CACHD1: variants seen among roughly 807,000 people sequenced by gnomAD.
The protein encoded by CACHD1 is cache domain containing 1, also known as VWFA and cache domain-containing protein 1.
CACHD1 carries 71 observed loss-of-function variants against 138.7 expected under a neutral mutation model. That is an observed-to-expected ratio of 0.51 (90% confidence interval 0.42 to 0.62). The LOEUF (loss-of-function observed/expected upper bound fraction) is 0.62, where lower values mean the gene tolerates loss of function less well. Among genes scored for constraint, CACHD1 ranks in the 20% least tolerant of loss-of-function variants. CACHD1 has a pLI of 0.00. For synonymous variants in CACHD1, 578 were observed against 591.5 expected (o/e 0.98, Z 0.33); for missense variants, 1,389 against 1,625.3 (o/e 0.85, Z 2.50).
chr1:64,656,344 T>C (rs1032591743), intron 12 of CACHD1, among the ~76,000 whole-genome samples: 5 of 152,238 alleles, frequency 3.3e-5, no homozygotes, highest in Admixed American at 3.3e-4. Flanking sequence ...TTTAGAATGA[T>C]AGCACCATCT....
intron 26 of CACHD1, among the ~76,000 whole-genome samples, chr1:64,685,288 G>A (rs531615233): frequency 6.6e-6 from 1 of 152,278 alleles, no homozygotes; most frequent in South Asian, 2.1e-4. Context: ...AATAGGCTAT[G>A]CCATATAGCC....
intron 1 of CACHD1, among the ~76,000 whole-genome samples, chr1:64,471,582 G>C (rs553549993): frequency 5.3e-5 from 8 of 152,326 alleles, no homozygotes; most frequent in Admixed American, 5.2e-4. Flanking sequence ...GGCTGGCCTG[G>C]TAGATTCTGG....
chr1:64,561,850 AC>A (rs1307302744), intron 2 of CACHD1, among the ~76,000 whole-genome samples: 1 of 106,562 alleles, frequency 9.4e-6, no homozygotes, highest in Non-Finnish European at 2.1e-5. Flanking sequence ...AGAGCAAGAC[AC>A]TGTCTCCAAA....
intron 2 of CACHD1, among the ~76,000 whole-genome samples, chr1:64,561,035 C>G (rs909361117): frequency 1.3e-5 from 2 of 152,112 alleles, no homozygotes; most frequent in East Asian, 1.9e-4. Flanking sequence ...TTTTCAGAAG[C>G]ATTTACTTTC....
intron 4 of CACHD1, among the ~76,000 whole-genome samples, chr1:64,622,054 C>T (rs1647931488): frequency 6.6e-6 from 1 of 152,080 alleles, no homozygotes; most frequent in South Asian, 2.1e-4. Context: ...TTGATAAGTA[C>T]CAATCCGAAT....
chr1:64,596,878 A>G (rs1026390492), intron 3 of CACHD1, among the ~76,000 whole-genome samples: 1 of 152,164 alleles, frequency 6.6e-6, no homozygotes, highest in Non-Finnish European at 1.5e-5. Context: ...TTAAAAATTC[A>G]TCCATGAACA....
intron 1 of CACHD1, among the ~76,000 whole-genome samples, chr1:64,532,815 C>T (rs571246942): frequency 8.5e-5 from 13 of 152,130 alleles, no homozygotes; most frequent in African/African-American, 2.7e-4. Context: ...TCTGACTCAT[C>T]ATCTATAAAA....
Position 64,675,498 on chromosome 1 carries a change from C to A in CACHD1, c.2825C>A (p.Thr942Asn). The A allele has an allele frequency of 6.2e-7, 1 of 1,613,538 alleles. No individual in the cohort carries two copies. Among genetic ancestry groups the A allele is most frequent in the Non-Finnish European group, 8.5e-7 (1 of 1,179,498 alleles). The change falls in exon 20 of 27, where the codon ACC becomes AAC. Residue 942 changes from threonine (T) to asparagine (N), a missense_variant. Physicochemically the swap from Thr to Asn is moderately conservative, Grantham distance 65. This residue lies in a region of CACHD1 where 50 missense variants were observed against 108.2 expected (regional missense o/e 0.46). Transcript: ENST00000651257. ...TNAFVGIVNETCDSLAFCACS... is the reference protein window; with the variant it reads ...TNAFVGIVNENCDSLAFCACS... The stretch of plus-strand genomic sequence containing the variant: ...GCGTTTGTTGGCATTGTCAACGAAA[C>A]CTGCGACTCTCTTGCCTTCTGTGCC...
intron 9 of CACHD1, among the ~76,000 whole-genome samples, chr1:64,650,601 T>C (rs1451785127): frequency 6.6e-6 from 1 of 152,216 alleles, no homozygotes; most frequent in Non-Finnish European, 1.5e-5. Flanking sequence ...TATCCACTTC[T>C]TCCTATCAAG....
chr1:64,548,378 T>C (rs1646733548), intron 1 of CACHD1, among the ~76,000 whole-genome samples: 1 of 152,194 alleles, frequency 6.6e-6, no homozygotes, highest in African/African-American at 2.4e-5. Flanking sequence ...CTATATGAAT[T>C]ATGTTACTTT....
chr1:64,483,681 C>CAAA (rs10537125), intron 1 of CACHD1, among the ~76,000 whole-genome samples: 13 of 58,184 alleles, frequency 2.2e-4, no homozygotes, highest in African/African-American at 4.8e-4. Flanking sequence ...CTGTCTCTAC[C>CAAA]AAAAAAAAAA....
chr1:64,647,946 C>T lies in CACHD1; in HGVS notation c.1302C>T (p.Thr434=). 1.9e-6 allele frequency: 3 copies of T among 1,614,028 alleles called. No homozygotes were observed. Among genetic ancestry groups the T allele is most frequent in the Non-Finnish European group, 2.5e-6 (3 of 1,179,994 alleles). The change falls in exon 9 of 27, where the codon ACC becomes ACT. Residue 434 remains threonine, a synonymous_variant. Coordinates refer to ENST00000651257, the MANE Select transcript of CACHD1 (RefSeq NM_020925.4). Reference sequence around the variant, plus strand: ...TGAATCAGTTGAGCAACCTGGAGACCACAGTGGGCAGGTTCTACACAAACC... The same window carrying T: ...TGAATCAGTTGAGCAACCTGGAGACTACAGTGGGCAGGTTCTACACAAACC... ...MVLNQLSNLE[T]TVGRFYTNLP...
intron 2 of CACHD1, among the ~76,000 whole-genome samples, chr1:64,575,139 C>G (rs962358011): frequency 2.0e-5 from 3 of 152,180 alleles, no homozygotes; most frequent in African/African-American, 7.2e-5. Flanking sequence ...TTTGTCCTAG[C>G]CTTTGTATAT....
chr1:64,681,229 C>A, intron 24 of CACHD1, 29 bp from the exon 25 acceptor site: 1 of 1,565,332 alleles, frequency 6.4e-7, no homozygotes, highest in Non-Finnish European at 8.8e-7. Context: ...ATTAAATAGT[C>A]ATGTTTCTCT....
intron 1 of CACHD1, among the ~76,000 whole-genome samples, chr1:64,534,068 G>C (rs1248356950): frequency 2.2e-5 from 3 of 138,972 alleles, no homozygotes; most frequent in Admixed American, 7.5e-5. Context: ...TTTTGAGACA[G>C]AGTCTCACTC....
Position 64,679,702 on chromosome 1 carries a change from C to T in CACHD1, c.3352C>T (p.Arg1118Cys), listed in dbSNP as rs369700188. Residue 1118 changes from arginine (R) to cysteine (C), a missense_variant, in exon 24 of 27, where the codon CGC becomes TGC. Physicochemically the swap from Arg to Cys is radical, Grantham distance 180. Coordinates refer to ENST00000651257, the MANE Select transcript of CACHD1 (RefSeq NM_020925.4). ...CTTGGTCCTGGCGGTGTATGCCTAC[C>T]GCCACCAGATTCATCGCCGGAGCCA... ...MVLVLAVYAY[R>C]HQIHRRSHQH... 2.8e-5 allele frequency: 45 copies of T among 1,614,020 alleles called. No homozygotes were observed. The highest frequency in any genetic ancestry group is 8.3e-5 in the Admixed American group (5 of 60,008).
At chr1:64,502,619 T>G (rs1450253117) in intron 1 of CACHD1, among the ~76,000 whole-genome samples, 1 of 126,014 alleles carries the variant, frequency 7.9e-6, no homozygotes. Flanking sequence ...TCTTTTTAGA[T>G]TATAATTTTT....
At chr1:64,550,518 CAA>C (rs1646750656) in intron 1 of CACHD1, 74 bp from the exon 2 acceptor site, 3 of 1,042,580 alleles carry the variant, frequency 2.9e-6, no homozygotes, top group Non-Finnish European at 4.4e-6. Context: ...TTGTTGTAAA[CAA>C]ATTATTCACA....
chr1:64,606,106 A>AACACACACACACACACACACAC (rs112089755), intron 4 of CACHD1, among the ~76,000 whole-genome samples: 7,259 of 148,818 alleles, frequency 0.049, 189 homozygotes, highest in Middle Eastern at 0.12. Context: ...AGGAGCTGTA[A>AACACACACACACACACACACAC]ACACACACAC....
Sources: allele counts gnomAD v4.1 joint callset (sites outside exome capture counted in the v4.1 genomes callset), GRCh38; gene constraint gnomAD v4.1.1; regional missense constraint gnomAD v4.1.1; transcripts MANE v1.5; gene names NCBI Gene and HGNC (gene_info 2026-07-23, HGNC 2026-07-21).